Variants in GALNT13 observed in about 807,000 individuals in gnomAD.
GALNT13 encodes UDP-GalNAc:polypeptide N-acetylgalactosaminyltransferase 13.
GALNT13 carries 28 observed loss-of-function variants against 64.2 expected under a neutral mutation model. That is an observed-to-expected ratio of 0.44 (90% CI 0.32 to 0.60). GALNT13 has a LOEUF of 0.60. GALNT13 is among the 20% of genes least tolerant of loss of function. The probability of loss-of-function intolerance (pLI) is 0.05; values close to 1 mark genes in which losing one functional copy is unlikely to be tolerated. For synonymous variants in GALNT13, 214 were observed against 224.6 expected, an observed-to-expected ratio of 0.95 and a Z score of 0.42; for missense variants, 577 against 669.8, an observed-to-expected ratio of 0.86 and a Z score of 1.53.
chr2:153,574,187 T>G, the GALNT13 span, among the ~76,000 whole-genome samples: 1 of 151,768 alleles, frequency 6.6e-6, no homozygotes, highest in South Asian at 2.1e-4. Context: ...TCTCCTGGCC[T>G]GTAAGGTTTC....
chr2:154,429,908 C>A (rs1700637595), intron 11 of GALNT13, among the ~76,000 whole-genome samples: 2 of 152,272 alleles, frequency 1.3e-5, no homozygotes, highest in East Asian at 1.9e-4. Context: ...AATGGAACAA[C>A]AAGGCCTGGA....
the GALNT13 span, among the ~76,000 whole-genome samples, chr2:153,068,704 G>T: frequency 6.6e-6 from 1 of 152,118 alleles, no homozygotes; most frequent in African/African-American, 2.4e-5. Flanking sequence ...GGTGCCTGTT[G>T]AGTGCTGTCC....
the GALNT13 span, among the ~76,000 whole-genome samples, chr2:153,216,191 G>A: frequency 2.0e-5 from 3 of 151,974 alleles, no homozygotes; most frequent in Non-Finnish European, 4.4e-5. Flanking sequence ...ATATTGTATT[G>A]TAGCAACATT....
chr2:153,692,146 T>G, the GALNT13 span, among the ~76,000 whole-genome samples: 2 of 152,182 alleles, frequency 1.3e-5, no homozygotes, highest in African/African-American at 4.8e-5. Flanking sequence ...AAGTAAATAC[T>G]ACATTATTCC....
intron 4 of GALNT13, among the ~76,000 whole-genome samples, chr2:154,168,768 G>A (rs111350947): frequency 0.07 from 10,694 of 151,944 alleles, 457 homozygotes; most frequent in Middle Eastern, 0.13. Flanking sequence ...ACTTGAACCC[G>A]GGAGGTGGAG....
chr2:154,188,920 C>A (rs1686411174), intron 4 of GALNT13, among the ~76,000 whole-genome samples: 1 of 152,040 alleles, frequency 6.6e-6, no homozygotes, highest in African/African-American at 2.4e-5. Context: ...CTTTTAATGG[C>A]AAAAACTGCA....
the GALNT13 span, among the ~76,000 whole-genome samples, chr2:153,207,282 TC>T: frequency 6.6e-6 from 1 of 152,130 alleles, no homozygotes; most frequent in South Asian, 2.1e-4. Context: ...TATTTATCAG[TC>T]CCCTGTAGTG....
intron 4 of GALNT13, among the ~76,000 whole-genome samples, chr2:154,150,023 C>T (rs1383294618): frequency 6.6e-6 from 1 of 152,146 alleles, no homozygotes; most frequent in Non-Finnish European, 1.5e-5. Flanking sequence ...AAAGGGAATG[C>T]TTCCAGTTTT....
At chr2:153,296,115 C>G in the GALNT13 span, among the ~76,000 whole-genome samples, 2 of 152,150 alleles carry the variant, frequency 1.3e-5, no homozygotes, top group African/African-American at 4.8e-5. Context: ...ATCTTGTTAT[C>G]TCTGCATTCA....
intron 2 of GALNT13, among the ~76,000 whole-genome samples, chr2:153,912,850 T>C (rs1156606777): frequency 1.3e-5 from 2 of 152,182 alleles, no homozygotes; most frequent in Non-Finnish European, 2.9e-5. Context: ...CCAAAGCTCT[T>C]TGTAGGGCAG....
intron 9 of GALNT13, among the ~76,000 whole-genome samples, chr2:154,302,334 G>A (rs1174246905): frequency 6.6e-6 from 1 of 152,024 alleles, no homozygotes; most frequent in Non-Finnish European, 1.5e-5. Flanking sequence ...AGAAAAATAA[G>A]GATACAAAAG....
At chr2:153,954,585 TAATA>T (rs1692435544) in intron 3 of GALNT13, among the ~76,000 whole-genome samples, 2 of 150,542 alleles carry the variant, frequency 1.3e-5, no homozygotes, top group African/African-American at 2.4e-5. Flanking sequence ...TTATTTATTT[TAATA>T]AATAATTATA....
intron 4 of GALNT13, among the ~76,000 whole-genome samples, chr2:154,192,003 T>G (rs552458826): frequency 6.6e-6 from 1 of 152,290 alleles, no homozygotes; most frequent in East Asian, 1.9e-4. Context: ...TTTTATTGAC[T>G]GGAGGTAGCT....
the GALNT13 span, among the ~76,000 whole-genome samples, chr2:153,824,721 C>T: frequency 2.6e-5 from 4 of 152,186 alleles, no homozygotes; most frequent in East Asian, 5.8e-4. Context: ...GAAAGTGGGG[C>T]CTGGTGGGAG....
chr2:153,297,294 G>A, the GALNT13 span, among the ~76,000 whole-genome samples: 1 of 152,238 alleles, frequency 6.6e-6, no homozygotes, highest in East Asian at 1.9e-4. Flanking sequence ...ATCAAAGACA[G>A]AATAACAAAC....
At chr2:153,316,227 G>T in the GALNT13 span, among the ~76,000 whole-genome samples, 1 of 152,024 alleles carries the variant, frequency 6.6e-6, no homozygotes, top group Non-Finnish European at 1.5e-5. Context: ...AATATAAAAT[G>T]GTATAACCAA....
chr2:154,221,943 A>G (rs1321176529), intron 4 of GALNT13, among the ~76,000 whole-genome samples: 1 of 152,152 alleles, frequency 6.6e-6, no homozygotes, highest in African/African-American at 2.4e-5. Flanking sequence ...AACCACCCCA[A>G]CATTTCTCCA....
chr2:153,398,085 A>G, the GALNT13 span, among the ~76,000 whole-genome samples: 20,181 of 64,152 alleles, frequency 0.31, 1,741 homozygotes, highest in Middle Eastern at 0.56. Context: ...CCCCTACCCC[A>G]CAACAGTCCC....
the GALNT13 span, among the ~76,000 whole-genome samples, chr2:153,862,510 A>C: frequency 6.6e-6 from 1 of 152,144 alleles, no homozygotes; most frequent in Non-Finnish European, 1.5e-5. Context: ...ACTGATGACT[A>C]TTTCAAGGCA....
Sources: allele counts gnomAD v4.1 joint callset (sites outside exome capture counted in the v4.1 genomes callset), GRCh38; gene constraint gnomAD v4.1.1; transcripts MANE v1.5; gene names NCBI Gene and HGNC (gene_info 2026-07-23, HGNC 2026-07-21).